Variants in CHCHD6 observed in about 807,000 individuals in gnomAD.
CHCHD6 encodes MICOS complex subunit MIC25.
A neutral mutation model predicts 32.3 loss-of-function variants in CHCHD6; 28 were observed. That is an observed-to-expected ratio of 0.87 (90% CI 0.64 to 1.19). CHCHD6 has a LOEUF of 1.19. Among genes scored for constraint, CHCHD6 ranks in the 50% most tolerant of loss-of-function variants. CHCHD6 has a pLI of 0.00. For missense variants in CHCHD6, 333 were observed against 307.0 expected (o/e 1.08, Z -0.63); for synonymous variants, 122 against 117.5 (o/e 1.04, Z -0.25).
chr3:126,842,298 C>G (rs1941124421), intron 4 of CHCHD6, among the ~76,000 whole-genome samples: 1 of 152,154 alleles, frequency 6.6e-6, no homozygotes, highest in Admixed American at 6.5e-5. Flanking sequence ...ATCTTGGGCC[C>G]AATTTTGATG....
chr3:126,850,587 C>T (rs535436103), intron 4 of CHCHD6, among the ~76,000 whole-genome samples: 36 of 152,290 alleles, frequency 2.4e-4, no homozygotes, highest in African/African-American at 7.5e-4. Flanking sequence ...GTGAACGCAC[C>T]TCCTTGTCTC....
chr3:126,774,698 A>G (rs1449556769), intron 4 of CHCHD6, among the ~76,000 whole-genome samples: 2 of 152,146 alleles, frequency 1.3e-5, no homozygotes, highest in African/African-American at 4.8e-5. Flanking sequence ...GGGTTGAGGC[A>G]TCTTGTTTTG....
At chr3:126,721,100 C>T (rs1014535164) in intron 1 of CHCHD6, among the ~76,000 whole-genome samples, 1 of 152,184 alleles carries the variant, frequency 6.6e-6, no homozygotes, top group East Asian at 1.9e-4. Flanking sequence ...CAACTCTGTG[C>T]TCTCGTTCAT....
At chr3:126,777,225 A>T (rs377359386) in intron 4 of CHCHD6, among the ~76,000 whole-genome samples, 8,210 of 152,176 alleles carry the variant, frequency 0.054, 332 homozygotes, top group South Asian at 0.19. Context: ...AGGTATTCAG[A>T]CTTCAAATCA....
chr3:126,848,181 G>A (rs1941356962), intron 4 of CHCHD6, among the ~76,000 whole-genome samples: 1 of 152,024 alleles, frequency 6.6e-6, no homozygotes, highest in South Asian at 2.1e-4. Flanking sequence ...TTGCTTTGTT[G>A]CCCAGTCTGG....
intron 5 of CHCHD6, among the ~76,000 whole-genome samples, chr3:126,886,719 A>G (rs1308042271): frequency 6.6e-6 from 1 of 152,210 alleles, no homozygotes; most frequent in East Asian, 1.9e-4. Context: ...GAAGCAATGT[A>G]CTGCTGGGGT....
At chr3:126,746,338 G>T (rs1323400400) in intron 4 of CHCHD6, among the ~76,000 whole-genome samples, 1 of 152,168 alleles carries the variant, frequency 6.6e-6, no homozygotes, top group Admixed American at 6.5e-5. Context: ...CAGACTCCCT[G>T]CTCTCTCTCC....
In CHCHD6 at chr3:126,777,000, C is replaced by T. The variant is rs138270296; in HGVS notation, c.411+43778C>T. ...TTCCTCTTCATTATTGCCTCCCTGC[C>T]GCTCTATGCCTTTGAGCCAGCCCAC... On this transcript the variant is annotated intron_variant, in intron 4 of 7. Coordinates refer to ENST00000290913, the MANE Select transcript of CHCHD6 (RefSeq NM_032343.3). Among the ~76,000 whole-genome samples, 565 of 152,222 alleles carry T rather than the reference C, an allele frequency of 3.7e-3. 2 individuals are homozygous for T. The highest frequency in any genetic ancestry group is 6.5e-3 in the Non-Finnish European group (439 of 68,016).
chr3:126,772,489 T>C (rs185761565), intron 4 of CHCHD6, among the ~76,000 whole-genome samples: 41 of 152,336 alleles, frequency 2.7e-4, no homozygotes, highest in African/African-American at 9.6e-4. Flanking sequence ...TTTACCATTG[T>C]GTAACGCCCT....
At chr3:126,709,144 T>C (rs1360788206) in intron 1 of CHCHD6, among the ~76,000 whole-genome samples, 1 of 152,254 alleles carries the variant, frequency 6.6e-6, no homozygotes, top group Non-Finnish European at 1.5e-5. Flanking sequence ...TTTTTTGGTA[T>C]ATTATCTTTT....
At position 126,825,985 on chromosome 3, in the gene CHCHD6, A is replaced by G. The variant is rs1359990724; in HGVS notation, c.412-26662A>G. On this transcript the variant is annotated intron_variant, in intron 4 of 7. Transcript: ENST00000290913. ...GAAGGACTCTTTCCAAATTTTTTGT[A>G]GTGTTCTATCATCCCACAGGATGTC... Among the ~76,000 whole-genome samples the G allele has an allele frequency of 2.6e-5, 4 of 152,186 alleles. No individual in the cohort carries two copies. The East Asian group carries it at 7.7e-4, about 29-fold the overall frequency.
intron 4 of CHCHD6, among the ~76,000 whole-genome samples, chr3:126,822,208 G>A (rs1286495950): frequency 6.6e-6 from 1 of 152,084 alleles, no homozygotes; most frequent in African/African-American, 2.4e-5. Flanking sequence ...TTACATTTGG[G>A]TCTTTAATCC....
chr3:126,878,789 G>T (rs1185696762), intron 5 of CHCHD6, among the ~76,000 whole-genome samples: 3 of 152,208 alleles, frequency 2.0e-5, no homozygotes, highest in Non-Finnish European at 2.9e-5. Flanking sequence ...TAGCAGGGAA[G>T]GGATATGGTT....
Position 126,820,271 on chromosome 3 carries a change from C to T in CHCHD6, c.412-32376C>T, listed in dbSNP as rs28406659. Reference sequence around the variant, plus strand: ...TGTAAATTTTAAGTCACCAGGTCTGCACATCTTTACATAGGTGTAATCACA... The same window carrying T: ...TGTAAATTTTAAGTCACCAGGTCTGTACATCTTTACATAGGTGTAATCACA... On this transcript the variant is annotated intron_variant, in intron 4 of 7. Transcript: ENST00000290913. Among the ~76,000 whole-genome samples the T allele has an allele frequency of 3.8e-3, 586 of 152,318 alleles. 2 individuals carry two copies. The highest frequency in any genetic ancestry group is 7.1e-3 in the Admixed American group (108 of 15,304).
At chr3:126,717,073 C>T (rs971589771) in intron 1 of CHCHD6, among the ~76,000 whole-genome samples, 12 of 152,180 alleles carry the variant, frequency 7.9e-5, no homozygotes, top group Admixed American at 2.6e-4. Context: ...CAGTTAAGCA[C>T]GCAGGCCGGG....
intron 4 of CHCHD6, among the ~76,000 whole-genome samples, chr3:126,783,852 AG>A (rs1488035373): frequency 2.6e-5 from 4 of 151,904 alleles, no homozygotes; most frequent in Admixed American, 6.6e-5. Context: ...ACGTGGTGGG[AG>A]GGGGGTCTGG....
intron 1 of CHCHD6, among the ~76,000 whole-genome samples, chr3:126,710,786 G>C (rs774718139): frequency 2.0e-5 from 3 of 152,008 alleles, no homozygotes; most frequent in Admixed American, 6.6e-5. Context: ...TTTGTATCTT[G>C]CAACCTCGTT....
intron 4 of CHCHD6, among the ~76,000 whole-genome samples, chr3:126,779,875 T>G (rs1363833254): frequency 6.6e-6 from 1 of 152,236 alleles, no homozygotes; most frequent in African/African-American, 2.4e-5. Context: ...CAAGAAAAAG[T>G]CATGTCCTAT....
At chr3:126,925,585 GA>G (rs1411214228) in intron 6 of CHCHD6, among the ~76,000 whole-genome samples, 2 of 152,204 alleles carry the variant, frequency 1.3e-5, no homozygotes, top group African/African-American at 4.8e-5. Flanking sequence ...ATGAGCCGCA[GA>G]AGGGCTACTT....
Sources: allele counts gnomAD v4.1 joint callset (sites outside exome capture counted in the v4.1 genomes callset), GRCh38; gene constraint gnomAD v4.1.1; transcripts MANE v1.5; gene names NCBI Gene and HGNC (gene_info 2026-07-23, HGNC 2026-07-21).